The following RGS7BP variants were observed in gnomAD, a reference collection of about 807,000 sequenced individuals.
RGS7BP encodes regulator of G protein signaling 7-binding protein.
A neutral mutation model predicts 31.3 loss-of-function variants in RGS7BP; 9 were observed. The observed-to-expected ratio is 0.29, with a 90% CI of 0.17 to 0.50. RGS7BP has a LOEUF of 0.50. RGS7BP is among the 20% of genes least tolerant of loss of function. The pLI is 0.98. For synonymous variants in RGS7BP, 115 were observed against 120.1 expected (o/e 0.96, Z 0.28); for missense variants, 274 against 322.0 (o/e 0.85, Z 1.14).
chr5:64,595,749 C>T (rs1743047431), intron 4 of RGS7BP, among the ~76,000 whole-genome samples: 1 of 152,066 alleles, frequency 6.6e-6, no homozygotes, highest in Non-Finnish European at 1.5e-5. Flanking sequence ...TCACTGACAA[C>T]ATAATGAACA....
intron 5 of RGS7BP, among the ~76,000 whole-genome samples, chr5:64,601,784 A>G (rs1743225532): frequency 6.6e-6 from 1 of 152,220 alleles, no homozygotes; most frequent in South Asian, 2.1e-4. Flanking sequence ...GGGAGCCTGC[A>G]AGGTTACGGA....
intron 2 of RGS7BP, among the ~76,000 whole-genome samples, chr5:64,534,902 A>C (rs1469276471): frequency 1.3e-5 from 2 of 152,154 alleles, no homozygotes; most frequent in Non-Finnish European, 2.9e-5. Context: ...CTGGGCACTG[A>C]GGTGCTCTCT....
At chr5:64,600,603 C>T (rs1743193221) in intron 5 of RGS7BP, among the ~76,000 whole-genome samples, 1 of 151,930 alleles carries the variant, frequency 6.6e-6, no homozygotes. Flanking sequence ...GGACTTGAAC[C>T]TTGGATCTAT....
rs747207322 is a variant in RGS7BP, at chr5:64,506,725, A to G, written c.101A>G (p.Glu34Gly). Residue 34 changes from glutamate to glycine, a missense_variant, in exon 1 of 6, where the codon GAG becomes GGG. Physicochemically the swap from Glu to Gly is moderately conservative, Grantham distance 98. Coordinates refer to ENST00000334025, the MANE Select transcript of RGS7BP (RefSeq NM_001029875.3). The surrounding 1 kb of genome is among the most constrained non-coding windows in gnomAD (Gnocchi z 4.6). The stretch of plus-strand genomic sequence containing the variant: ...CCCCCGCTGCAGAGCGGAGATTGGG[A>G]GCGCAGGGGCAGCGGCTCCGAGAGC... ...SKPPLQSGDW[E>G]RRGSGSESAH... is the part of the protein sequence containing the mutation. The G allele has an allele frequency of 1.2e-6, 2 of 1,608,022 alleles. No homozygotes were observed. Among genetic ancestry groups the G allele is most frequent in the Non-Finnish European group, 1.7e-6 (2 of 1,175,498 alleles).
At chr5:64,593,090 G>C (rs577191433) in intron 3 of RGS7BP, among the ~76,000 whole-genome samples, 1 of 152,282 alleles carries the variant, frequency 6.6e-6, no homozygotes, top group African/African-American at 2.4e-5. Flanking sequence ...CCTCAGGCAA[G>C]TCCCATCACC....
Position 64,507,753 on chromosome 5 carries a change from C to T in RGS7BP, c.208C>T (p.Leu70=). ...FNTQVALYRE[L]VISIGDVSVS... Reference sequence around the variant, plus strand: ...CACACAAGTGGCCCTGTACCGAGAGCTGGTCATTTCTATTGGGGATGTCTC... The same window carrying T: ...CACACAAGTGGCCCTGTACCGAGAGTTGGTCATTTCTATTGGGGATGTCTC... Residue 70 remains leucine, a synonymous_variant, in exon 2 of 6, where the codon CTG becomes TTG. Transcript: ENST00000334025. 1 of 1,613,772 alleles carries T rather than the reference C, an allele frequency of 6.2e-7. No individual in the cohort carries two copies. Among genetic ancestry groups the T allele is most frequent in the Admixed American group, 1.7e-5 (1 of 59,980 alleles).
intron 2 of RGS7BP, among the ~76,000 whole-genome samples, chr5:64,560,161 G>A (rs1042319662): frequency 6.6e-6 from 1 of 152,022 alleles, no homozygotes; most frequent in Non-Finnish European, 1.5e-5. Flanking sequence ...TAACCTTATG[G>A]TACTTTCTCT....
At chr5:64,536,729 T>C (rs910477219) in intron 2 of RGS7BP, among the ~76,000 whole-genome samples, 1 of 152,226 alleles carries the variant, frequency 6.6e-6, no homozygotes, top group African/African-American at 2.4e-5. Flanking sequence ...GTACCAGATA[T>C]GGACTTCTGA....
Position 64,594,864 on chromosome 5 carries a change from G to A in RGS7BP, c.611+7G>A, listed in dbSNP as rs141848920. ...ACATTGAGAACACTGAAAGGTAAGT[G>A]GGAAGTTACCCTGAATAGACTGCCA... On this transcript the variant is annotated splice_region_variant and intron_variant, in intron 4 of 5. Coordinates refer to ENST00000334025, the MANE Select transcript of RGS7BP (RefSeq NM_001029875.3). 1.7e-5 allele frequency: 28 copies of A among 1,612,988 alleles called. No individual in the cohort carries two copies. In the African/African-American group the frequency reaches 2.3e-4, roughly 13 times the overall value.
intron 2 of RGS7BP, among the ~76,000 whole-genome samples, chr5:64,512,571 A>G (rs1748868189): frequency 6.6e-6 from 1 of 152,240 alleles, no homozygotes; most frequent in East Asian, 1.9e-4. Flanking sequence ...GTGAGGATCA[A>G]GTACTTAGGA....
intron 3 of RGS7BP, 98 bp from the exon 4 acceptor site, chr5:64,594,612 C>T (rs1743012738): frequency 1.7e-6 from 2 of 1,169,594 alleles, no homozygotes; most frequent in Admixed American, 1.9e-5. Context: ...ACATTTGACT[C>T]AAAGCATAGC....
In RGS7BP at chr5:64,611,108, T is replaced by C. The variant is rs950759646; in HGVS notation, c.*1856T>C. Reference sequence around the variant, plus strand: ...ATTTAAAGACTCTTAGGGTAAATACTCCCTGGAAAAGCAAGCAATCCAGAC... The same window carrying C: ...ATTTAAAGACTCTTAGGGTAAATACCCCCTGGAAAAGCAAGCAATCCAGAC... On this transcript the variant is annotated 3_prime_UTR_variant, in exon 6 of 6. Transcript: ENST00000334025. 2.0e-5 allele frequency: 3 copies of C among 151,930 alleles called. No homozygotes were observed. The highest frequency in any genetic ancestry group is 7.2e-5 in the African/African-American group (3 of 41,398). 9.4% of individuals were successfully genotyped at this position (151,930 alleles called of 1,614,324 possible).
rs146496441 is a variant in RGS7BP at position 64,559,336 on chromosome 5, G to A, written c.333-16438G>A. On this transcript the variant is annotated intron_variant, in intron 2 of 5. Transcript: ENST00000334025. The stretch of plus-strand genomic sequence containing the variant: ...TGAAATATTGGGGACTGGTTCCCCC[G>A]ATAGTGGTTGGATGTTTACTGACAC... 6.6e-5 allele frequency among the ~76,000 whole-genome samples: 10 copies of A among 152,232 alleles called. No individual in the cohort carries two copies. The South Asian group carries it at 8.3e-4, about 13-fold the overall frequency.
chr5:64,520,166 T>G (rs272620), intron 2 of RGS7BP, among the ~76,000 whole-genome samples: 36,152 of 152,146 alleles, frequency 0.24, 5,038 homozygotes, highest in South Asian at 0.36. Flanking sequence ...AGCTGGAGTT[T>G]GAACACTGGT....
At chr5:64,530,979 A>T (rs1049693165) in intron 2 of RGS7BP, among the ~76,000 whole-genome samples, 2 of 152,198 alleles carry the variant, frequency 1.3e-5, no homozygotes, top group African/African-American at 4.8e-5. Flanking sequence ...AACACCACTG[A>T]TGGATGCTGC....
chr5:64,523,921 A>G (rs1259489035), intron 2 of RGS7BP, among the ~76,000 whole-genome samples: 2 of 152,314 alleles, frequency 1.3e-5, no homozygotes, highest in Admixed American at 6.5e-5. Context: ...GGAACCATCA[A>G]TCTTATTATA....
At position 64,609,303 on chromosome 5, in the gene RGS7BP, C is replaced by A; in HGVS notation, c.*51C>A. The A allele has an allele frequency of 2.0e-6, 2 of 1,022,576 alleles. No individual in the cohort carries two copies. Among genetic ancestry groups the A allele is most frequent in the Non-Finnish European group, 3.1e-6 (2 of 640,324 alleles). The allele number at this position is 1,022,576 out of a possible 1,614,324, so 63.3% of individuals were successfully genotyped here. Reference sequence around the variant, plus strand: ...GAACATCTGAAAAAAAATCACAAAACCCGAGGACCTCCAGACAGCTGAACC... The same window carrying A: ...GAACATCTGAAAAAAAATCACAAAAACCGAGGACCTCCAGACAGCTGAACC... On this transcript the variant is annotated 3_prime_UTR_variant, in exon 6 of 6. Transcript: ENST00000334025.
chr5:64,543,038 G>A (rs1401704424), intron 2 of RGS7BP, among the ~76,000 whole-genome samples: 4 of 152,216 alleles, frequency 2.6e-5, no homozygotes, highest in East Asian at 3.9e-4. Flanking sequence ...AAAATGGCAC[G>A]ATATTGATAG....
intron 5 of RGS7BP, among the ~76,000 whole-genome samples, chr5:64,598,881 G>A (rs1226865165): frequency 2.6e-5 from 4 of 152,154 alleles, no homozygotes; most frequent in East Asian, 3.9e-4. Flanking sequence ...ACAACTTTGA[G>A]GGAAATGCTA....
Sources: allele counts gnomAD v4.1 joint callset (sites outside exome capture counted in the v4.1 genomes callset), GRCh38; gene constraint gnomAD v4.1.1; non-coding constraint Gnocchi (gnomAD v3.1); transcripts MANE v1.5; gene names NCBI Gene and HGNC (gene_info 2026-07-23, HGNC 2026-07-21).